Variants in FRYL observed in about 807,000 individuals in gnomAD.
FRYL encodes FRY like transcription coactivator, also known as protein furry homolog-like.
FRYL carries 150 observed loss-of-function variants against 351.2 expected under a neutral mutation model. That is an observed-to-expected ratio of 0.43 (90% CI 0.37 to 0.49). The LOEUF is 0.49. Among genes scored for constraint, FRYL ranks in the 20% least tolerant of loss-of-function variants. The probability of loss-of-function intolerance (pLI) is 0.00; values close to 1 mark genes in which losing one functional copy is unlikely to be tolerated. For synonymous variants in FRYL, 1,153 were observed against 1,257.1 expected, an observed-to-expected ratio of 0.92 and a Z score of 1.75; for missense variants, 3,036 against 3,619.3, an observed-to-expected ratio of 0.84 and a Z score of 4.13.
chr4:48,776,043 T>C (rs998632786), intron 1 of FRYL, among the ~76,000 whole-genome samples: 20 of 127,582 alleles, frequency 1.6e-4, no homozygotes, highest in African/African-American at 5.3e-4. Context: ...ATACAGAGGT[T>C]AAAAAAAAAA....
rs1217562229 is a variant in FRYL at position 48,515,016 on chromosome 4, C to T, written c.7937+12G>A. On this transcript the variant is annotated intron_variant, in intron 56 of 63. Coordinates refer to ENST00000358350, the MANE Select transcript of FRYL (RefSeq NM_015030.2). ...TCCCCTCACTACAGTGTTTATGATA[C>T]TGTATTCTCACCTAGACAGTCCGGA... is the stretch of plus-strand genomic sequence containing the variant. The T allele has an allele frequency of 1.2e-6, 2 of 1,609,820 alleles. No individual in the cohort carries two copies. The highest frequency in any genetic ancestry group is 1.7e-5 in the Admixed American group (1 of 59,450).
intron 1 of FRYL, among the ~76,000 whole-genome samples, chr4:48,737,452 T>C (rs974428914): frequency 2.0e-5 from 3 of 152,144 alleles, no homozygotes; most frequent in African/African-American, 7.2e-5. Flanking sequence ...GCAATCTTAA[T>C]TGGCCTATAT....
intron 50 of FRYL, among the ~76,000 whole-genome samples, chr4:48,529,348 C>T (rs1269319140): frequency 6.6e-6 from 1 of 152,156 alleles, no homozygotes; most frequent in Non-Finnish European, 1.5e-5. Context: ...GGTGTATCTC[C>T]AGTGCCTATG....
chr4:48,518,485 T>C (rs911523129), intron 55 of FRYL, among the ~76,000 whole-genome samples: 1 of 152,208 alleles, frequency 6.6e-6, no homozygotes, highest in African/African-American at 2.4e-5. Context: ...TGTCAGGGAC[T>C]AGAACCTACT....
At chr4:48,728,903 G>A (rs1017074647) in intron 1 of FRYL, among the ~76,000 whole-genome samples, 14 of 152,238 alleles carry the variant, frequency 9.2e-5, no homozygotes, top group African/African-American at 3.1e-4. Context: ...AGGGCAAGCC[G>A]AAGCAGGGCA....
intron 1 of FRYL, among the ~76,000 whole-genome samples, chr4:48,719,181 CAAGATTCTAATGG>C (rs1769196058): frequency 1.3e-5 from 2 of 151,602 alleles, no homozygotes; most frequent in Non-Finnish European, 2.9e-5. Flanking sequence ...TTAACCTCAT[CAAGATTCTAATGG>C]AAGAGACTAA....
At chr4:48,650,914 G>A (rs1163243923) in intron 3 of FRYL, among the ~76,000 whole-genome samples, 1 of 152,126 alleles carries the variant, frequency 6.6e-6, no homozygotes, top group Admixed American at 6.5e-5. Flanking sequence ...TGTGGTCAAG[G>A]ACCGAAAGGG....
chr4:48,774,603 T>C (rs964679110), intron 1 of FRYL, among the ~76,000 whole-genome samples: 1 of 151,938 alleles, frequency 6.6e-6, no homozygotes, highest in Admixed American at 6.6e-5. Context: ...TGGAGCACAG[T>C]GGCGTGATCT....
chr4:48,633,316 C>T (rs1753622659), intron 4 of FRYL, among the ~76,000 whole-genome samples: 2 of 152,184 alleles, frequency 1.3e-5, no homozygotes, highest in Non-Finnish European at 2.9e-5. Flanking sequence ...CTTTGCTGCT[C>T]TACGTCATTG....
At chr4:48,701,973 T>A (rs757594769) in intron 2 of FRYL, among the ~76,000 whole-genome samples, 40 of 152,140 alleles carry the variant, frequency 2.6e-4, no homozygotes, top group Non-Finnish European at 4.7e-4. Flanking sequence ...TAAAAGCTGC[T>A]TCAAACAGCA....
At chr4:48,541,143 C>A (rs1324077312) in intron 45 of FRYL, among the ~76,000 whole-genome samples, 183 bp from the exon 46 acceptor site, 4 of 152,142 alleles carry the variant, frequency 2.6e-5, no homozygotes, top group Admixed American at 2.6e-4. Context: ...ACAACAGTAT[C>A]TTTTCTCTTG....
At chr4:48,530,320 A>G (rs1408282192) in intron 50 of FRYL, among the ~76,000 whole-genome samples, 1 of 151,968 alleles carries the variant, frequency 6.6e-6, no homozygotes, top group Non-Finnish European at 1.5e-5. Flanking sequence ...GTCTTTTTGT[A>G]AACCATCTCT....
At chr4:48,728,290 A>C (rs1444282850) in intron 1 of FRYL, among the ~76,000 whole-genome samples, 1 of 152,150 alleles carries the variant, frequency 6.6e-6, no homozygotes, top group Non-Finnish European at 1.5e-5. Context: ...TCTGAGATTG[A>C]AGATATCTCA....
chr4:48,570,968 G>A (rs1447339515), intron 26 of FRYL, 50 bp from the exon 27 acceptor site: 3 of 1,434,822 alleles, frequency 2.1e-6, no homozygotes, highest in Non-Finnish European at 2.9e-6. Flanking sequence ...GGTGTAACTT[G>A]GAAAGAATAA....
At chr4:48,534,421 T>C in intron 49 of FRYL, 124 bp downstream of exon 49, 1 of 759,970 alleles carries the variant, frequency 1.3e-6, no homozygotes, top group East Asian at 2.7e-5. Flanking sequence ...GCAAATATCC[T>C]GAAAACACGA....
At chr4:48,614,787 T>C (rs1291045607) in intron 7 of FRYL, among the ~76,000 whole-genome samples, 1 of 150,220 alleles carries the variant, frequency 6.7e-6, no homozygotes, top group Non-Finnish European at 1.5e-5. Flanking sequence ...CCAAGGCTAT[T>C]TCCACTACCA....
At chr4:48,652,821 T>C (rs533159025) in intron 3 of FRYL, among the ~76,000 whole-genome samples, 40 of 152,322 alleles carry the variant, frequency 2.6e-4, no homozygotes, top group Admixed American at 5.2e-4. Context: ...TTAGTTTGCT[T>C]AGGCACCAGC....
chr4:48,652,809 C>A (rs1450387719), intron 3 of FRYL, among the ~76,000 whole-genome samples: 1 of 152,126 alleles, frequency 6.6e-6, no homozygotes, highest in Non-Finnish European at 1.5e-5. Context: ...ATATTTTATA[C>A]ATTAGTTTGC....
chr4:48,508,876 C>T (rs1246290057), intron 59 of FRYL, among the ~76,000 whole-genome samples: 3 of 152,162 alleles, frequency 2.0e-5, no homozygotes, highest in Middle Eastern at 3.2e-3. Flanking sequence ...AGTTACACAG[C>T]GTTGCTTCTG....
Sources: allele counts gnomAD v4.1 joint callset (sites outside exome capture counted in the v4.1 genomes callset), GRCh38; gene constraint gnomAD v4.1.1; transcripts MANE v1.5; gene names NCBI Gene and HGNC (gene_info 2026-07-23, HGNC 2026-07-21).